TTLL9: variants seen among roughly 807,000 people sequenced by gnomAD.
TTLL9 encodes probable tubulin polyglutamylase TTLL9.
In TTLL9, 47 loss-of-function variants were observed where a neutral mutation model predicts 65.6. The ratio of observed to expected loss-of-function variants is 0.72; its 90% confidence interval spans 0.57 to 0.91. The LOEUF (loss-of-function observed/expected upper bound fraction) is 0.91, where lower values mean the gene tolerates loss of function less well. TTLL9 is among the 40% of genes least tolerant of loss of function. TTLL9 has a pLI of 0.00. For missense variants in TTLL9, 537 were observed against 568.8 expected, an observed-to-expected ratio of 0.94 and a Z score of 0.57; for synonymous variants, 179 against 204.8, an observed-to-expected ratio of 0.87 and a Z score of 1.07.
intron 9 of TTLL9, 123 bp from the exon 10 acceptor site, chr20:31,925,926 C>A: frequency 6.4e-7 from 1 of 1,555,354 alleles, no homozygotes; most frequent in Non-Finnish European, 8.7e-7. Flanking sequence ...GATTCTCCAA[C>A]ACCCGCTTCA....
intron 2 of TTLL9, among the ~76,000 whole-genome samples, chr20:31,873,684 GAGAAAGAAAGAA>G (rs143514524): frequency 0.14 from 13,670 of 100,286 alleles, 1,009 homozygotes; most frequent in Middle Eastern, 0.27. Flanking sequence ...AAGAGAGAGA[GAGAAAGAAAGAA>G]AGAAAGAAAG....
intron 4 of TTLL9, among the ~76,000 whole-genome samples, chr20:31,901,582 C>T (rs1349372642): frequency 6.6e-6 from 1 of 152,196 alleles, no homozygotes; most frequent in Non-Finnish European, 1.5e-5. Flanking sequence ...CTTGATTGGG[C>T]CCTTCCCAAC....
intron 3 of TTLL9, among the ~76,000 whole-genome samples, chr20:31,893,997 T>TTTTCAA (rs2123448915): frequency 6.6e-6 from 1 of 152,264 alleles, no homozygotes; most frequent in East Asian, 1.9e-4. Flanking sequence ...TTTTCAAATG[T>TTTTCAA]ACGGTTTTTC....
rs2062913695 is a variant in TTLL9 at position 31,870,837 on chromosome 20, C to T, written c.-118C>T. On this transcript the variant is annotated 5_prime_UTR_variant, in exon 1 of 15. Transcript: ENST00000535842. This position sits in a 1 kb window ranked among gnomAD's most constrained non-coding sequence, Gnocchi z 6.6. ...CTCTGCCTGGACGTCCCTGCGGGCC[C>T]CGGGGGAAAGCACCCAACTTCTCCC... is the stretch of plus-strand genomic sequence containing the variant. 2 of 541,180 alleles carry T rather than the reference C, an allele frequency of 3.7e-6. No individual in the cohort carries two copies. Among genetic ancestry groups the T allele is most frequent in the Non-Finnish European group, 6.5e-6 (2 of 309,510 alleles). 33.5% of individuals were successfully genotyped at this position (541,180 alleles called of 1,614,324 possible).
chr20:31,887,121 T>C, intron 2 of TTLL9, 75 bp from the exon 3 acceptor site: 1 of 1,482,022 alleles, frequency 6.7e-7, no homozygotes, highest in Non-Finnish European at 9.4e-7. Context: ...CATTTTAATA[T>C]CTGCAGTAAG....
chr20:31,902,244 C>T lies in TTLL9; in HGVS notation c.206+3679C>T, dbSNP rs116679375. Among the ~76,000 whole-genome samples the T allele has an allele frequency of 4.1e-3, 622 of 152,260 alleles. 4 individuals carry two copies. The highest frequency in any genetic ancestry group is 0.014 in the African/African-American group (588 of 41,552). ...CCCTCCCTCCAGCCTCTGTCTTGGG[C>T]CTTGTCTCTATTTATCTATTCTGGA... On this transcript the variant is annotated intron_variant, in intron 4 of 14. Coordinates refer to ENST00000535842, the MANE Select transcript of TTLL9 (RefSeq NM_001008409.5).
intron 6 of TTLL9, 113 bp downstream of exon 6, chr20:31,910,035 C>T (rs912719615): frequency 5.6e-6 from 6 of 1,063,286 alleles, no homozygotes; most frequent in African/African-American, 3.2e-5. Context: ...TCTGCCTTCC[C>T]GAAGGGCCAG....
chr20:31,941,246 A>G (rs1427480370), intron 14 of TTLL9: 1 of 149,850 alleles, frequency 6.7e-6, no homozygotes, highest in Admixed American at 6.6e-5. Flanking sequence ...AAAAAAAAAG[A>G]AAATAGACCC....
chr20:31,870,966 G>T lies in TTLL9; in HGVS notation c.-6+17G>T. 1 of 725,190 alleles carries T rather than the reference G, an allele frequency of 1.4e-6. No homozygotes were observed. The highest frequency in any genetic ancestry group is 2.5e-5 in the East Asian group (1 of 40,124). 44.9% of individuals were successfully genotyped at this position (725,190 alleles called of 1,614,324 possible). ...ACGGGATAAGTGGGTAATTCCTTCCGATACATCCTCTCCACCCGTGCAGAG... is the reference window on the plus strand; with the variant it reads ...ACGGGATAAGTGGGTAATTCCTTCCTATACATCCTCTCCACCCGTGCAGAG... On this transcript the variant is annotated intron_variant, in intron 1 of 14. Transcript: ENST00000535842. This position sits in a 1 kb window ranked among gnomAD's most constrained non-coding sequence, Gnocchi z 6.6.
At chr20:31,892,943 C>G (rs2063328369) in intron 3 of TTLL9, among the ~76,000 whole-genome samples, 1 of 152,154 alleles carries the variant, frequency 6.6e-6, no homozygotes, top group East Asian at 1.9e-4. Context: ...TACATTCTCA[C>G]TATATTTGCT....
At chr20:31,871,250 C>T (rs183742760) in intron 2 of TTLL9, 55 bp downstream of exon 2, 1 of 1,572,230 alleles carries the variant, frequency 6.4e-7, no homozygotes, top group East Asian at 2.2e-5. Flanking sequence ...GAGACTACAT[C>T]AGGATGTATT....
At chr20:31,890,986 G>A (rs1311450452) in intron 3 of TTLL9, among the ~76,000 whole-genome samples, 2 of 152,204 alleles carry the variant, frequency 1.3e-5, no homozygotes, top group African/African-American at 2.4e-5. Flanking sequence ...TGTGCCACAG[G>A]TTATTTCTAT....
chr20:31,928,814 T>G (rs1028858237), intron 10 of TTLL9, among the ~76,000 whole-genome samples: 1 of 152,200 alleles, frequency 6.6e-6, no homozygotes, highest in African/African-American at 2.4e-5. Flanking sequence ...CATTTTTGCC[T>G]TTAAGGAAGA....
At chr20:31,915,669 C>T (rs1338303952) in intron 6 of TTLL9, among the ~76,000 whole-genome samples, 1 of 151,936 alleles carries the variant, frequency 6.6e-6, no homozygotes, top group African/African-American at 2.4e-5. Context: ...GCTGGGTGAC[C>T]TTGGGCAATG....
At chr20:31,880,161 C>A (rs955041240) in intron 2 of TTLL9, among the ~76,000 whole-genome samples, 6 of 152,250 alleles carry the variant, frequency 3.9e-5, no homozygotes, top group African/African-American at 1.4e-4. Context: ...GGCCAGCTGG[C>A]GGGAAGTTTA....
At chr20:31,920,427 A>G (rs2063800011) in intron 7 of TTLL9, among the ~76,000 whole-genome samples, 1 of 152,116 alleles carries the variant, frequency 6.6e-6, no homozygotes, top group Non-Finnish European at 1.5e-5. Flanking sequence ...TTGTCCCAAG[A>G]CACAGTACAG....
intron 6 of TTLL9, among the ~76,000 whole-genome samples, chr20:31,917,791 C>T (rs796801692): frequency 2.7e-5 from 4 of 147,276 alleles, no homozygotes; most frequent in Non-Finnish European, 4.5e-5. Context: ...GTGGCTCGCC[C>T]GTCAAGACAG....
chr20:31,930,253 G>A (rs1454108361), intron 10 of TTLL9, among the ~76,000 whole-genome samples: 2 of 152,138 alleles, frequency 1.3e-5, no homozygotes, highest in Non-Finnish European at 2.9e-5. Context: ...GCATGTCTAG[G>A]TGAAGCAGAT....
intron 2 of TTLL9, among the ~76,000 whole-genome samples, chr20:31,886,737 T>G (rs958212628): frequency 1.3e-5 from 2 of 152,168 alleles, no homozygotes; most frequent in Admixed American, 1.3e-4. Context: ...GAGAATCACT[T>G]GAACCTGGGA....
Sources: allele counts gnomAD v4.1 joint callset (sites outside exome capture counted in the v4.1 genomes callset), GRCh38; gene constraint gnomAD v4.1.1; non-coding constraint Gnocchi (gnomAD v3.1); transcripts MANE v1.5; gene names NCBI Gene and HGNC (gene_info 2026-07-23, HGNC 2026-07-21).